Variants in BCAM observed in about 807,000 individuals in gnomAD.
BCAM encodes basal cell adhesion molecule (Lutheran blood group).
Under a neutral mutation model 72.4 loss-of-function variants are expected in BCAM, and 61 were observed. The ratio of observed to expected loss-of-function variants is 0.84; its 90% CI spans 0.69 to 1.04. BCAM has a LOEUF of 1.04. Among genes scored for constraint, BCAM ranks in the 50% least tolerant of loss-of-function variants. BCAM has a pLI of 0.00. For missense variants in BCAM, 909 were observed against 895.0 expected, an observed-to-expected ratio of 1.02 and a Z score of -0.20; for synonymous variants, 408 against 384.2, an observed-to-expected ratio of 1.06 and a Z score of -0.73.
chr19:44,814,905 G>GTTT lies in BCAM; in HGVS notation c.1078+147_1078+148insTTT. On this transcript the variant is annotated intron_variant, in intron 8 of 14. Transcript: ENST00000270233. This position sits in a 1 kb window ranked among gnomAD's most constrained non-coding sequence, Gnocchi z 4.6. ...TCTGCATTTCTTGGGGGTTTTTTTG[G>GTTT]TTGTTTTTTTTTTTTTTTTTTTCCC... The GTTT allele has an allele frequency of 9.1e-5, 75 of 826,592 alleles. No individual in the cohort carries two copies. Among genetic ancestry groups the GTTT allele is most frequent in the Non-Finnish European group, 1.0e-4 (62 of 611,100 alleles). 51.2% of individuals were successfully genotyped at this position (826,592 alleles called of 1,614,324 possible).
Position 44,820,833 on chromosome 19 carries a change from G to T in BCAM, c.1881+11G>T, listed in dbSNP as rs1844613748. On this transcript the variant is annotated intron_variant, in intron 14 of 14. Coordinates refer to ENST00000270233, the MANE Select transcript of BCAM (RefSeq NM_005581.5). ...GGCTTCGGAGACGAGGTGGGTGAGG[G>T]CCTGGGCCCCCTGGTGAGAGGGACC... 2.0e-6 allele frequency: 3 copies of T among 1,520,154 alleles called. No homozygotes were observed. Among genetic ancestry groups the T allele is most frequent in the Middle Eastern group, 1.8e-4 (1 of 5,578 alleles). The allele number at this position is 1,520,154 out of a possible 1,614,324, so 94.2% of individuals were successfully genotyped here.
Position 44,821,269 on chromosome 19 carries a change from C to T in BCAM, c.*348C>T, listed in dbSNP as rs973206442. On this transcript the variant is annotated 3_prime_UTR_variant, in exon 15 of 15. Coordinates refer to ENST00000270233, the MANE Select transcript of BCAM (RefSeq NM_005581.5). Reference sequence around the variant, plus strand: ...TACCTCCCGCCTCCCCTGCTGGTCCCCCCACCTGACGTCTTGCTGCAGAGT... The same window carrying T: ...TACCTCCCGCCTCCCCTGCTGGTCCTCCCACCTGACGTCTTGCTGCAGAGT... The T allele has an allele frequency of 2.4e-5, 7 of 288,316 alleles. No homozygotes were observed. The highest frequency in any genetic ancestry group is 3.9e-5 in the Non-Finnish European group (6 of 154,534). The allele number at this position is 288,316 out of a possible 1,614,324, so 17.9% of individuals were successfully genotyped here. A position where few individuals can be genotyped will look rare whatever the true frequency, so the allele number is the denominator to read the frequency against.
At position 44,812,003 on chromosome 19, in the gene BCAM, A is replaced by T; in HGVS notation, c.205-160A>T. 1 of 689,142 alleles carries T rather than the reference A, an allele frequency of 1.5e-6. No homozygotes were observed. Among genetic ancestry groups the T allele is most frequent in the South Asian group, 1.7e-5 (1 of 57,930 alleles). The allele number at this position is 689,142 out of a possible 1,614,324, so 42.7% of individuals were successfully genotyped here. A position where few individuals can be genotyped will look rare whatever the true frequency, so the allele number is the denominator to read the frequency against. ...AGGAAAAATCAAGAACTGATAGGGAATGGGGGCAGGAGAAGGTGGGGAGGG... is the reference window on the plus strand; with the variant it reads ...AGGAAAAATCAAGAACTGATAGGGATTGGGGGCAGGAGAAGGTGGGGAGGG... On this transcript the variant is annotated intron_variant, in intron 2 of 14. Coordinates refer to ENST00000270233, the MANE Select transcript of BCAM (RefSeq NM_005581.5). This position sits in a 1 kb window ranked among gnomAD's most constrained non-coding sequence, Gnocchi z 5.3.
rs749996501 is a variant in BCAM at position 44,814,241 on chromosome 19, C to T, written c.874C>T (p.Arg292Trp). The T allele has an allele frequency of 1.7e-5, 27 of 1,590,280 alleles. No individual in the cohort carries two copies. The Admixed American group carries it at 2.4e-4, about 14-fold the overall frequency. ...REGDTVQLLCRGDGSPSPEYT... is the reference protein window; with the variant it reads ...REGDTVQLLCWGDGSPSPEYT... ...GGGTGACACTGTCCAGCTGCTCTGC[C>T]GGGGGGACGGCAGCCCCAGCCCGGA... The change falls in exon 7 of 15, where the codon CGG becomes TGG. Residue 292 changes from arginine (R) to tryptophan (W), a missense_variant. Coordinates refer to ENST00000270233, the MANE Select transcript of BCAM (RefSeq NM_005581.5). The surrounding 1 kb of genome is among the most constrained non-coding windows in gnomAD (Gnocchi z 4.6).
rs1968463889 is a variant in BCAM, at chr19:44,813,729, TC to T, written c.784+110del. 3.5e-6 allele frequency: 5 copies of T among 1,412,846 alleles called. No homozygotes were observed. In the Admixed American group the frequency reaches 9.6e-5, roughly 27 times the overall value. 87.5% of individuals were successfully genotyped at this position (1,412,846 alleles called of 1,614,324 possible). A position where few individuals can be genotyped will look rare whatever the true frequency, so the allele number is the denominator to read the frequency against. The stretch of plus-strand genomic sequence containing the variant: ...CCCTCTGACCCTCTGCCTCCCTACT[TC>T]ATGCTAAAAAAAAATGTGCTAGTGC... On this transcript the variant is annotated intron_variant, in intron 6 of 14. Coordinates refer to ENST00000270233, the MANE Select transcript of BCAM (RefSeq NM_005581.5). This position sits in a 1 kb window ranked among gnomAD's most constrained non-coding sequence, Gnocchi z 4.2.
chr19:44,811,799 C>G, intron 2 of BCAM: 1 of 356,538 alleles, frequency 2.8e-6, no homozygotes. Context: ...GCAGGAGAAT[C>G]GCTTGAACCT....
chr19:44,819,789 A>G (rs957844575), intron 13 of BCAM, 63 bp downstream of exon 13: 4 of 1,494,568 alleles, frequency 2.7e-6, no homozygotes, highest in Non-Finnish European at 3.6e-6. Flanking sequence ...CTCAACCCCA[A>G]GCTCAACCCA....
At position 44,812,977 on chromosome 19, in the gene BCAM, A is replaced by T; in HGVS notation, c.505-273A>T. On this transcript the variant is annotated intron_variant, in intron 4 of 14. Coordinates refer to ENST00000270233, the MANE Select transcript of BCAM (RefSeq NM_005581.5). The surrounding 1 kb of genome is among the most constrained non-coding windows in gnomAD (Gnocchi z 5.3). ...AAAAAAAAAAAAAAAGAAGAAGAAA[A>T]GAAAAAAGAAAGGAAGGGCAGAGGG... The T allele has an allele frequency of 2.1e-6, 1 of 468,746 alleles. No homozygotes were observed. The highest frequency in any genetic ancestry group is 3.7e-6 in the Non-Finnish European group (1 of 267,414). 29.0% of individuals were successfully genotyped at this position (468,746 alleles called of 1,614,324 possible).
In BCAM at chr19:44,820,732, C is replaced by T. The variant is rs1474094020; in HGVS notation, c.1791C>T (p.His597=). 4 of 1,448,406 alleles carry T rather than the reference C, an allele frequency of 2.8e-6. No homozygotes were observed. The highest frequency in any genetic ancestry group is 1.5e-5 in the South Asian group (1 of 67,846). 89.7% of individuals were successfully genotyped at this position (1,448,406 alleles called of 1,614,324 possible). ...APPPGEPGLS[H]SGSEQPEQTG... ...CGCCAGGGGAGCCAGGGCTGAGCCA[C>T]TCGGGGTCGGAGCAACCAGAGCAGA... Residue 597 remains histidine, a synonymous_variant, in exon 14 of 15, where the codon CAC becomes CAT. Coordinates refer to ENST00000270233, the MANE Select transcript of BCAM (RefSeq NM_005581.5).
At position 44,814,042 on chromosome 19, in the gene BCAM, C is replaced by A; in HGVS notation, c.785-110C>A. On this transcript the variant is annotated intron_variant, in intron 6 of 14. Coordinates refer to ENST00000270233, the MANE Select transcript of BCAM (RefSeq NM_005581.5). This position sits in a 1 kb window ranked among gnomAD's most constrained non-coding sequence, Gnocchi z 4.6. ...GAGGCTTGAAACCTATGACCCGTAA[C>A]CTTTGACCCGCCATAGCCCTCACCT... 7.3e-7 allele frequency: 1 copy of A among 1,361,666 alleles called. No homozygotes were observed. The highest frequency in any genetic ancestry group is 9.8e-7 in the Non-Finnish European group (1 of 1,016,338). The allele number at this position is 1,361,666 out of a possible 1,614,324, so 84.3% of individuals were successfully genotyped here. A position where few individuals can be genotyped will look rare whatever the true frequency, so the allele number is the denominator to read the frequency against.
chr19:44,811,643 T>C, intron 2 of BCAM: 1 of 355,394 alleles, frequency 2.8e-6, no homozygotes. Context: ...TCCCAGCACT[T>C]TGGGAGGCCG....
Position 44,812,236 on chromosome 19 carries a change from A to G in BCAM, c.278A>G (p.His93Arg). Residue 93 changes from histidine to arginine, a missense_variant, in exon 3 of 15, where the codon CAC becomes CGC. By Grantham distance (29) the His-to-Arg change is conservative (BLOSUM62 0). Transcript: ENST00000270233. The surrounding 1 kb of genome is among the most constrained non-coding windows in gnomAD (Gnocchi z 5.3). Reference protein sequence around the residue: ...MQGSELQVTMHDTRGRSPPYQ... With the variant: ...MQGSELQVTMRDTRGRSPPYQ... ...GGCTCTGAGCTCCAGGTCACAATGC[A>G]CGACACCCGGGGCCGCAGTCCCCCA... 6.2e-7 allele frequency: 1 copy of G among 1,608,298 alleles called. No homozygotes were observed.
rs980789272 is a variant in BCAM, at chr19:44,818,799, C to G, written c.1253C>G (p.Ser418Cys). The change falls in exon 10 of 15, where the codon TCC becomes TGC. Residue 418 changes from serine (S) to cysteine (C), a missense_variant. Physicochemically the swap from Ser to Cys is moderately radical, Grantham distance 112 (BLOSUM62 -1). Transcript: ENST00000270233. This position sits in a 1 kb window ranked among gnomAD's most constrained non-coding sequence, Gnocchi z 4.6. ...TCGCTCAGTTCTATCACCTTCGATT[C>G]CAATGGCACCTACGTATGTGAGGCC... is the stretch of plus-strand genomic sequence containing the variant. ...MLSLSSITFD[S>C]NGTYVCEASL... is the part of the protein sequence containing the mutation. 25 of 1,614,016 alleles carry G rather than the reference C, an allele frequency of 1.5e-5. No homozygotes were observed. The highest frequency in any genetic ancestry group is 2.0e-5 in the Non-Finnish European group (24 of 1,180,028).
chr19:44,819,629 G>A lies in BCAM; in HGVS notation c.1666G>A (p.Val556Ile), dbSNP rs753139727. 18 of 1,613,564 alleles carry A rather than the reference G, an allele frequency of 1.1e-5. No individual in the cohort carries two copies. Among genetic ancestry groups the A allele is most frequent in the African/African-American group, 8.0e-5 (6 of 75,006 alleles). Residue 556 changes from valine (V) to isoleucine (I), a missense_variant, in exon 13 of 15, where the codon GTC becomes ATC. Physicochemically the swap from Val to Ile is conservative, Grantham distance 29. Transcript: ENST00000270233. The stretch of plus-strand genomic sequence containing the variant: ...TGGAGTGGCCGTCATGGCCGTGGCC[G>A]TCAGCGTGGGCCTCCTGCTCCTCGT... ...QAGVAVMAVA[V>I]SVGLLLLVVA...
At chr19:44,811,464 TG>T in intron 2 of BCAM, 118 bp downstream of exon 2, 2 of 1,522,126 alleles carry the variant, frequency 1.3e-6, no homozygotes, top group South Asian at 2.4e-5. Context: ...TTGTTACAGA[TG>T]GGGTCACTGA....
At chr19:44,815,076 C>T (rs1280422142) in intron 8 of BCAM, among the ~76,000 whole-genome samples, 1 of 152,078 alleles carries the variant, frequency 6.6e-6, no homozygotes, top group African/African-American at 2.4e-5. Flanking sequence ...CCTGACCCTC[C>T]TCTGCTCAGA....
In BCAM at chr19:44,818,645, G is replaced by C. The variant is rs370475792; in HGVS notation, c.1194+8G>C. The C allele has an allele frequency of 7.4e-6, 12 of 1,612,868 alleles. No homozygotes were observed. Among genetic ancestry groups the C allele is most frequent in the Non-Finnish European group, 1.0e-5 (12 of 1,179,194 alleles). On this transcript the variant is annotated splice_region_variant and intron_variant, in intron 9 of 14. Coordinates refer to ENST00000270233, the MANE Select transcript of BCAM (RefSeq NM_005581.5). This position sits in a 1 kb window ranked among gnomAD's most constrained non-coding sequence, Gnocchi z 4.6. The stretch of plus-strand genomic sequence containing the variant: ...GCCCTACGCTGGACCAAGGTGAGAG[G>C]GAGAGGAGCCCCCTCGGGCCCTGCA...
Position 44,813,026 on chromosome 19 carries a change from G to A in BCAM, c.505-224G>A. ...GGGGAAGACTCCTGTGTCCTAGGAA[G>A]GAGAGAGCTGGGGGACCCAGAATCC... On this transcript the variant is annotated intron_variant, in intron 4 of 14. Transcript: ENST00000270233. This position sits in a 1 kb window ranked among gnomAD's most constrained non-coding sequence, Gnocchi z 4.2. 1 of 573,628 alleles carries A rather than the reference G, an allele frequency of 1.7e-6. No individual in the cohort carries two copies. The highest frequency in any genetic ancestry group is 2.2e-5 in the South Asian group (1 of 45,048). The allele number at this position is 573,628 out of a possible 1,614,324, so 35.5% of individuals were successfully genotyped here.
Position 44,812,314 on chromosome 19 carries a change from A to T in BCAM, c.356A>T (p.Asp119Val), listed in dbSNP as rs1171221034. 6.2e-7 allele frequency: 1 copy of T among 1,612,486 alleles called. No individual in the cohort carries two copies. The change falls in exon 3 of 15, where the codon GAC (aspartate) becomes GTC (valine). Residue 119 changes from aspartate (D) to valine (V), a missense_variant. Asp to Val is a radical substitution (Grantham distance 152). Coordinates refer to ENST00000270233, the MANE Select transcript of BCAM (RefSeq NM_005581.5). This position sits in a 1 kb window ranked among gnomAD's most constrained non-coding sequence, Gnocchi z 5.3. ...RLVLAEAQVG[D>V]ERDYVCVVRA... is the part of the protein sequence containing the mutation. ...GTGCTGGCTGAGGCCCAGGTGGGCG[A>T]CGAGCGAGACTACGTGTGCGTGGTG...
Sources: gnomAD v4.1 joint callset for allele counts (sites outside exome capture counted in the v4.1 genomes callset) on GRCh38, gnomAD v4.1.1 for gene constraint, Gnocchi (gnomAD v3.1) non-coding constraint, MANE v1.5 for transcripts, NCBI Gene and HGNC (gene_info 2026-07-23, HGNC 2026-07-21) for gene names.